Variants in VSNL1 observed in about 807,000 individuals in gnomAD.
The protein encoded by VSNL1 is visinin like 1.
Under a neutral mutation model 20.4 loss-of-function variants are expected in VSNL1, and 6 were observed. The ratio of observed to expected loss-of-function variants is 0.29; its 90% CI spans 0.16 to 0.58. VSNL1 has a LOEUF of 0.58. Among genes scored for constraint, VSNL1 ranks in the 20% least tolerant of loss-of-function variants. VSNL1 has a pLI of 0.90. For missense variants in VSNL1, 100 were observed against 234.5 expected (o/e 0.43, Z 3.75); for synonymous variants, 93 against 86.4 (o/e 1.08, Z -0.42).
chr2:17,570,055 A>T (rs1266573733), intron 1 of VSNL1, among the ~76,000 whole-genome samples: 2 of 152,228 alleles, frequency 1.3e-5, no homozygotes, highest in Non-Finnish European at 2.9e-5. Flanking sequence ...TGTAAAGGAG[A>T]CATTTTGAAA....
chr2:17,546,648 T>G (rs910674288), intron 1 of VSNL1, among the ~76,000 whole-genome samples: 3 of 152,038 alleles, frequency 2.0e-5, no homozygotes, highest in Non-Finnish European at 4.4e-5. Flanking sequence ...TGAAGTCCAA[T>G]TTTAAATTTT....
chr2:17,559,873 A>ATAAACATCAGAAAAAT (rs1663773137), intron 1 of VSNL1, among the ~76,000 whole-genome samples: 1 of 152,064 alleles, frequency 6.6e-6, no homozygotes, highest in Non-Finnish European at 1.5e-5. Context: ...ATCAGAAAAA[A>ATAAACATCAGAAAAAT]TAAACATCAG....
intron 1 of VSNL1, among the ~76,000 whole-genome samples, chr2:17,581,654 T>G: frequency 6.6e-6 from 1 of 152,218 alleles, no homozygotes; most frequent in East Asian, 1.9e-4. Context: ...TCAAAGAAGC[T>G]TTGTTGCTGG....
At chr2:17,586,512 G>C (rs1156947998) in intron 1 of VSNL1, among the ~76,000 whole-genome samples, 1 of 152,146 alleles carries the variant, frequency 6.6e-6, no homozygotes, top group East Asian at 1.9e-4. Flanking sequence ...GTGTTATGTA[G>C]CTCTCTACTA....
chr2:17,587,418 T>A (rs1396447980), intron 1 of VSNL1, among the ~76,000 whole-genome samples: 1 of 151,530 alleles, frequency 6.6e-6, no homozygotes, highest in East Asian at 1.9e-4. Context: ...CAATCCTCTT[T>A]AATACCCAAA....
In VSNL1 at chr2:17,609,504, G is replaced by C. The variant is rs150347444; in HGVS notation, c.162+17268G>C. On this transcript the variant is annotated intron_variant, in intron 2 of 3. Coordinates refer to ENST00000295156, the MANE Select transcript of VSNL1 (RefSeq NM_003385.5). Reference sequence around the variant, plus strand: ...TGCTCAGTGGGTACATTTTTGGAGGGCTTCTTTCTGTCATCAGCCTCTCTT... The same window carrying C: ...TGCTCAGTGGGTACATTTTTGGAGGCCTTCTTTCTGTCATCAGCCTCTCTT... Among the ~76,000 whole-genome samples, 934 of 152,280 alleles carry C rather than the reference G, an allele frequency of 6.1e-3. 8 individuals are homozygous for C. The highest frequency in any genetic ancestry group is 0.021 in the African/African-American group (880 of 41,564).
At chr2:17,586,117 A>G (rs1391342702) in intron 1 of VSNL1, among the ~76,000 whole-genome samples, 1 of 152,246 alleles carries the variant, frequency 6.6e-6, no homozygotes, top group East Asian at 1.9e-4. Flanking sequence ...CCAATTTTGG[A>G]ATTCTTAATG....
intron 2 of VSNL1, among the ~76,000 whole-genome samples, chr2:17,629,386 G>C (rs2103410429): frequency 6.6e-6 from 1 of 152,334 alleles, no homozygotes; most frequent in East Asian, 1.9e-4. Context: ...CCTAGGAGGT[G>C]CCCCCATATC....
intron 2 of VSNL1, among the ~76,000 whole-genome samples, chr2:17,622,973 A>G (rs1445595453): frequency 1.3e-5 from 2 of 152,196 alleles, no homozygotes; most frequent in Non-Finnish European, 2.9e-5. Flanking sequence ...TCTACACAAA[A>G]GCATCTGGTA....
At chr2:17,647,136 G>A (rs747360029) in intron 2 of VSNL1, among the ~76,000 whole-genome samples, 2 of 152,124 alleles carry the variant, frequency 1.3e-5, no homozygotes, top group African/African-American at 4.8e-5. Context: ...TTTCTCTCAA[G>A]GTTTTTTAGA....
At chr2:17,597,823 G>A (rs1023527519) in intron 2 of VSNL1, among the ~76,000 whole-genome samples, 1 of 152,180 alleles carries the variant, frequency 6.6e-6, no homozygotes, top group African/African-American at 2.4e-5. Flanking sequence ...CAAGCTCAGA[G>A]CCTGGAGGAA....
At chr2:17,606,362 C>A (rs975968387) in intron 2 of VSNL1, among the ~76,000 whole-genome samples, 14 of 152,216 alleles carry the variant, frequency 9.2e-5, no homozygotes, top group Admixed American at 5.2e-4. Flanking sequence ...CACTGTCCAG[C>A]TGTTTGGCTG....
At chr2:17,570,127 G>A (rs1325973217) in intron 1 of VSNL1, among the ~76,000 whole-genome samples, 1 of 152,224 alleles carries the variant, frequency 6.6e-6, no homozygotes, top group South Asian at 2.1e-4. Context: ...ACAGTGAAGA[G>A]ATTGACCTCT....
chr2:17,586,649 T>C (rs1664480815), intron 1 of VSNL1, among the ~76,000 whole-genome samples: 1 of 144,280 alleles, frequency 6.9e-6, no homozygotes, highest in South Asian at 2.4e-4. Context: ...ACAGAGCTTT[T>C]CTCCTGGAAG....
chr2:17,609,584 G>T (rs543547924), intron 2 of VSNL1, among the ~76,000 whole-genome samples: 53 of 152,274 alleles, frequency 3.5e-4, no homozygotes, highest in Non-Finnish European at 1.0e-4. Context: ...TTGCAGATGG[G>T]ATTTGAGGCC....
At chr2:17,587,347 C>T (rs971416402) in intron 1 of VSNL1, among the ~76,000 whole-genome samples, 1 of 95,594 alleles carries the variant, frequency 1.0e-5, no homozygotes, top group Non-Finnish European at 2.0e-5. Context: ...AGGCTGAGGG[C>T]AACACACACA....
At chr2:17,548,033 C>T (rs1238356846) in intron 1 of VSNL1, among the ~76,000 whole-genome samples, 1 of 152,088 alleles carries the variant, frequency 6.6e-6, no homozygotes, top group Non-Finnish European at 1.5e-5. Context: ...CCCACACCTC[C>T]TCTATTTTTC....
intron 1 of VSNL1, among the ~76,000 whole-genome samples, chr2:17,591,088 AT>A (rs548188457): frequency 1.3e-5 from 2 of 151,922 alleles, no homozygotes; most frequent in Middle Eastern, 3.4e-3. Context: ...TAATTTTGGA[AT>A]TTTTTTTGGC....
chr2:17,547,507 C>T (rs935113715), intron 1 of VSNL1, among the ~76,000 whole-genome samples: 1 of 151,992 alleles, frequency 6.6e-6, no homozygotes, highest in South Asian at 2.1e-4. Flanking sequence ...GTGTGCCAAG[C>T]TCTGTGTAGT....
Sources: allele counts gnomAD v4.1 joint callset (sites outside exome capture counted in the v4.1 genomes callset), GRCh38; gene constraint gnomAD v4.1.1; transcripts MANE v1.5; gene names NCBI Gene and HGNC (gene_info 2026-07-23, HGNC 2026-07-21).